Variants in PPP2R5A observed in about 807,000 individuals in gnomAD.
PPP2R5A encodes serine/threonine-protein phosphatase 2A 56 kDa regulatory subunit alpha isoform.
Under a neutral mutation model 64.2 loss-of-function variants are expected in PPP2R5A, and 25 were observed. The observed-to-expected ratio is 0.39, with a 90% confidence interval of 0.28 to 0.54. The LOEUF is 0.54. Ranked by LOEUF, PPP2R5A falls within the 20% of genes least tolerant of loss-of-function variation. PPP2R5A has a pLI of 0.67. For missense variants in PPP2R5A, 425 were observed against 576.3 expected (o/e 0.74, Z 2.69); for synonymous variants, 198 against 201.2 (o/e 0.98, Z 0.13).
intron 1 of PPP2R5A, among the ~76,000 whole-genome samples, chr1:212,315,439 A>G (rs950247709): frequency 5.9e-5 from 9 of 152,214 alleles, no homozygotes; most frequent in African/African-American, 1.9e-4. Context: ...ACACAGAGTT[A>G]TAACACCCAA....
Position 212,360,626 on chromosome 1 carries a change from G to T in PPP2R5A, c.1329-12G>T, listed in dbSNP as rs1342375555. 1.3e-6 allele frequency: 2 copies of T among 1,546,606 alleles called. No homozygotes were observed. Among genetic ancestry groups the T allele is most frequent in the South Asian group, 1.2e-5 (1 of 82,014 alleles). ...ATAATTTCTGATTACAAAAATTTTG[G>T]TTTATCTACAGAGAGAAAAAGAAGG... is the stretch of plus-strand genomic sequence containing the variant. On this transcript the variant is annotated splice_polypyrimidine_tract_variant and intron_variant, in intron 12 of 12. Transcript: ENST00000261461.
At chr1:212,320,764 C>T (rs1259589939) in intron 1 of PPP2R5A, among the ~76,000 whole-genome samples, 25 of 127,696 alleles carry the variant, frequency 2.0e-4, no homozygotes, top group East Asian at 5.0e-4. Context: ...GGCGGCCGGG[C>T]AGAGGCGCCC....
intron 1 of PPP2R5A, among the ~76,000 whole-genome samples, chr1:212,288,884 A>T (rs1388267055): frequency 6.6e-6 from 1 of 152,236 alleles, no homozygotes; most frequent in Middle Eastern, 3.2e-3. Flanking sequence ...CTTTGACCAC[A>T]TGCATCTGAA....
intron 1 of PPP2R5A, among the ~76,000 whole-genome samples, chr1:212,296,419 T>C (rs752556689): frequency 1.3e-5 from 2 of 152,258 alleles, no homozygotes; most frequent in Non-Finnish European, 2.9e-5. Flanking sequence ...CTGTATTCTT[T>C]ACATTAACCT....
rs199996030 is a variant in PPP2R5A, at chr1:212,329,135, A to G, written c.182A>G (p.Asp61Gly). 5.3e-6 allele frequency: 8 copies of G among 1,495,382 alleles called. No individual in the cohort carries two copies. The highest frequency in any genetic ancestry group is 7.1e-6 in the Non-Finnish European group (8 of 1,120,538). 92.6% of individuals were successfully genotyped at this position (1,495,382 alleles called of 1,614,324 possible). A position where few individuals can be genotyped will look rare whatever the true frequency, so the allele number is the denominator to read the frequency against. ...AELHPLPQLK[D>G]ATSNEQQELF... ...AGTTTTTCTTTATTTTTATTTATAG[A>G]TGCCACTTCAAATGAACAACAAGAG... Residue 61 changes from aspartate (D) to glycine (G), a missense_variant and splice_region_variant, in exon 2 of 13, where the codon GAT (aspartate) becomes GGT (glycine). Transcript: ENST00000261461.
At chr1:212,307,820 G>A (rs1183011086) in intron 1 of PPP2R5A, among the ~76,000 whole-genome samples, 1 of 152,064 alleles carries the variant, frequency 6.6e-6, no homozygotes, top group Non-Finnish European at 1.5e-5. Context: ...ATTTGGGAAC[G>A]TCTTCATTTT....
intron 1 of PPP2R5A, among the ~76,000 whole-genome samples, chr1:212,299,866 A>T (rs351390): frequency 1.3e-5 from 2 of 150,848 alleles, no homozygotes; most frequent in South Asian, 4.2e-4. Flanking sequence ...AGGCTGGAGT[A>T]CAGTGGTATG....
At chr1:212,287,074 G>A (rs1474464421) in intron 1 of PPP2R5A, among the ~76,000 whole-genome samples, 1 of 152,156 alleles carries the variant, frequency 6.6e-6, no homozygotes, top group African/African-American at 2.4e-5. Flanking sequence ...GGACTTTGTA[G>A]GTTTGTACAG....
intron 1 of PPP2R5A, among the ~76,000 whole-genome samples, chr1:212,321,753 A>C (rs913552892): frequency 6.9e-6 from 1 of 145,938 alleles, no homozygotes; most frequent in African/African-American, 2.6e-5. Flanking sequence ...ATGGGCGGCC[A>C]GGCAGAGACG....
At position 212,320,617 on chromosome 1, in the gene PPP2R5A, C is replaced by CGG. The variant is rs1253609200; in HGVS notation, c.182-8513_182-8512dup. 2.0e-5 allele frequency among the ~76,000 whole-genome samples: 3 copies of CGG among 147,402 alleles called. No homozygotes were observed. The South Asian group carries it at 6.4e-4, about 31-fold the overall frequency. The stretch of plus-strand genomic sequence containing the variant: ...CTCCCGGACGGGGCAGCTGGCCGGG[C>CGG]GGGGGGCTGACCTCCCTGCCTCCCT... On this transcript the variant is annotated intron_variant, in intron 1 of 12. Transcript: ENST00000261461.
rs10712005 is a variant in PPP2R5A at position 212,331,167 on chromosome 1, CAA to C, written c.378+1853_378+1854del. Among the ~76,000 whole-genome samples the C allele has an allele frequency of 4.0e-3, 443 of 112,142 alleles. 3 individuals are homozygous for C. The highest frequency in any genetic ancestry group is 0.011 in the African/African-American group (312 of 29,452). 73.6% of individuals were successfully genotyped at this position (112,142 alleles called of 152,430 possible). The stretch of plus-strand genomic sequence containing the variant: ...TGGGCGACAGAATGAGACCTTGTCT[CAA>C]AAAAAAAAAAAAAAAAGAGAGTGTC... On this transcript the variant is annotated intron_variant, in intron 2 of 12. Transcript: ENST00000261461.
intron 1 of PPP2R5A, among the ~76,000 whole-genome samples, chr1:212,292,550 G>C (rs1437386834): frequency 2.0e-5 from 3 of 152,040 alleles, no homozygotes; most frequent in Non-Finnish European, 4.4e-5. Flanking sequence ...ACCAGATGTT[G>C]ATTCTTTTCT....
Position 212,356,625 on chromosome 1 carries a change from G to GAGCCA in PPP2R5A, c.928-1_928insAGCCA (p.Val310SerfsTer3). 6.2e-7 allele frequency: 1 copy of GAGCCA among 1,608,528 alleles called. No individual in the cohort carries two copies. The highest frequency in any genetic ancestry group is 8.5e-7 in the Non-Finnish European group (1 of 1,178,108). On this transcript the variant is annotated frameshift_variant and splice_region_variant. Coordinates refer to ENST00000261461, the MANE Select transcript of PPP2R5A (RefSeq NM_006243.4). LOFTEE classifies it high-confidence loss of function. Reference sequence around the variant, plus strand: ...CATGCTAAACTTTTTCTTTTTCGCAGGTGATCAGAGGACTGCTGAAATTTT... The same window carrying GAGCCA: ...CATGCTAAACTTTTTCTTTTTCGCAGAGCCAGTGATCAGAGGACTGCTGAAATTTT...
rs532192794 is a variant in PPP2R5A, at chr1:212,326,180, T to C, written c.182-2955T>C. ...TCACCCCCAATAGAATGAATTTTAA[T>C]TCTGGGATAAAGATAACTGTTTAGC... On this transcript the variant is annotated intron_variant, in intron 1 of 12. Transcript: ENST00000261461. 6.7e-4 allele frequency among the ~76,000 whole-genome samples: 102 copies of C among 152,278 alleles called. 2 individuals are homozygous for C. In the South Asian group the frequency reaches 6.8e-3, roughly 10 times the overall value.
rs745501893 is a variant in PPP2R5A, at chr1:212,300,251, C to T, written c.181+13960C>T. On this transcript the variant is annotated intron_variant, in intron 1 of 12. Transcript: ENST00000261461. Reference sequence around the variant, plus strand: ...TTTTAATTTGGATCACCTGGATACTCTCTATATATTTTTAAGAACTAATTT... The same window carrying T: ...TTTTAATTTGGATCACCTGGATACTTTCTATATATTTTTAAGAACTAATTT... Among the ~76,000 whole-genome samples, 73 of 144,034 alleles carry T rather than the reference C, an allele frequency of 5.1e-4. 1 individual carries two copies. Among genetic ancestry groups the T allele is most frequent in the African/African-American group, 1.8e-3 (62 of 33,922 alleles). The allele number at this position is 144,034 out of a possible 152,430, so 94.5% of individuals were successfully genotyped here. A position where few individuals can be genotyped will look rare whatever the true frequency, so the allele number is the denominator to read the frequency against.
intron 12 of PPP2R5A, 121 bp downstream of exon 12, chr1:212,358,908 T>G: frequency 1.6e-6 from 1 of 634,902 alleles, no homozygotes; most frequent in Non-Finnish European, 2.6e-6. Context: ...AATTACCTTA[T>G]AGTAAACATT....
In PPP2R5A at chr1:212,357,278, G is replaced by T; in HGVS notation, c.1220G>T (p.Trp407Leu). ...ASLYKISKEH[W>L]NPTIVALVYN... ...TTGTACAAAATTTCCAAAGAACACT[G>T]GAATCCGTAAGTATCTTTTATATAG... Residue 407 changes from tryptophan to leucine, a missense_variant, in exon 11 of 13, where the codon TGG becomes TTG. By Grantham distance (61) the Trp-to-Leu change is moderately conservative. Coordinates refer to ENST00000261461, the MANE Select transcript of PPP2R5A (RefSeq NM_006243.4). The T allele has an allele frequency of 6.4e-7, 1 of 1,574,070 alleles. No homozygotes were observed. The highest frequency in any genetic ancestry group is 1.2e-5 in the South Asian group (1 of 82,898).
intron 1 of PPP2R5A, among the ~76,000 whole-genome samples, chr1:212,314,657 A>G (rs2102422175): frequency 6.6e-6 from 1 of 150,958 alleles, no homozygotes; most frequent in East Asian, 1.9e-4. Flanking sequence ...TCCCGGGTTC[A>G]AGCGATTATC....
chr1:212,320,949 C>T (rs1302339881), intron 1 of PPP2R5A, among the ~76,000 whole-genome samples: 2 of 107,526 alleles, frequency 1.9e-5, no homozygotes, highest in African/African-American at 3.5e-5. Flanking sequence ...CTGACCCCCC[C>T]GCCTCCCTCC....
Sources: gnomAD v4.1 joint callset for allele counts (sites outside exome capture counted in the v4.1 genomes callset) on GRCh38, gnomAD v4.1.1 for gene constraint, MANE v1.5 for transcripts, NCBI Gene and HGNC (gene_info 2026-07-23, HGNC 2026-07-21) for gene names.